Variants in CDH4 observed in about 807,000 individuals in gnomAD.
CDH4 encodes cadherin-4.
Under a neutral mutation model 86.0 loss-of-function variants are expected in CDH4, and 33 were observed. The observed-to-expected ratio is 0.38, with a 90% CI of 0.29 to 0.51. CDH4 has a LOEUF of 0.51. CDH4 is among the 20% of genes least tolerant of loss of function. The pLI, the probability that CDH4 is intolerant of heterozygous loss-of-function variation, is 0.86. For synonymous variants in CDH4, 555 were observed against 549.4 expected (o/e 1.01, Z -0.14); for missense variants, 1,114 against 1,307.4 (o/e 0.85, Z 2.28).
At chr20:61,371,990 TTG>T (rs1200186476) in intron 2 of CDH4, among the ~76,000 whole-genome samples, 1 of 152,246 alleles carries the variant, frequency 6.6e-6, no homozygotes, top group East Asian at 1.9e-4. Context: ...GGCAGGCCGC[TTG>T]TGTTTGTAAA....
rs113041633 is a variant in CDH4, at chr20:61,629,834, G to C, written c.170-113729G>C. On this transcript the variant is annotated intron_variant, in intron 2 of 15. Transcript: ENST00000614565. Reference sequence around the variant, plus strand: ...GCAGCCTGGAGCCTGAGTCCGATGCGGCGCCTTCCTTAGATGGTCTTCAGG... The same window carrying C: ...GCAGCCTGGAGCCTGAGTCCGATGCCGCGCCTTCCTTAGATGGTCTTCAGG... 3.1e-3 allele frequency among the ~76,000 whole-genome samples: 468 copies of C among 152,288 alleles called. 2 individuals are homozygous for C. Among genetic ancestry groups the C allele is most frequent in the African/African-American group, 9.8e-3 (406 of 41,556 alleles).
intron 2 of CDH4, among the ~76,000 whole-genome samples, chr20:61,531,726 G>A (rs1243337015): frequency 6.6e-6 from 1 of 152,164 alleles, no homozygotes. Context: ...CAGCTGGCAG[G>A]GGCCACGGAT....
intron 10 of CDH4, among the ~76,000 whole-genome samples, chr20:61,924,014 C>T (rs941262996): frequency 1.3e-5 from 2 of 152,250 alleles, no homozygotes; most frequent in Non-Finnish European, 2.9e-5. Flanking sequence ...GCCCTCTCTG[C>T]TCCTCAGCGT....
intron 2 of CDH4, among the ~76,000 whole-genome samples, chr20:61,374,169 C>G (rs1892325): frequency 0.25 from 38,373 of 152,134 alleles, 5,339 homozygotes; most frequent in African/African-American, 0.35. Context: ...TAGGTTGGCA[C>G]TAGCTCCCTG....
intron 2 of CDH4, among the ~76,000 whole-genome samples, chr20:61,256,691 G>A (rs983931804): frequency 2.6e-4 from 39 of 152,294 alleles, no homozygotes; most frequent in African/African-American, 8.7e-4. Flanking sequence ...CCAAGTGCCC[G>A]TTGACTTACG....
At chr20:61,642,354 A>G (rs1376440968) in intron 2 of CDH4, among the ~76,000 whole-genome samples, 1 of 152,188 alleles carries the variant, frequency 6.6e-6, no homozygotes, top group African/African-American at 2.4e-5. Flanking sequence ...ATGGGGAACC[A>G]GCAGGTGGGT....
At chr20:61,325,466 ACTG>A (rs1265262783) in intron 2 of CDH4, among the ~76,000 whole-genome samples, 1 of 152,004 alleles carries the variant, frequency 6.6e-6, no homozygotes, top group Non-Finnish European at 1.5e-5. Flanking sequence ...AGAAGTAAAG[ACTG>A]CATTTCTTGA....
intron 5 of CDH4, among the ~76,000 whole-genome samples, chr20:61,850,182 G>A (rs918013974): frequency 6.6e-6 from 1 of 152,206 alleles, no homozygotes; most frequent in African/African-American, 2.4e-5. Flanking sequence ...CCAGCCACAC[G>A]CTGTCATCTT....
intron 9 of CDH4, among the ~76,000 whole-genome samples, chr20:61,912,438 G>A (rs1025528283): frequency 6.6e-6 from 1 of 152,142 alleles, no homozygotes; most frequent in East Asian, 1.9e-4. Flanking sequence ...CAGTTCTCCT[G>A]AAAAATCTTA....
chr20:61,858,790 G>A (rs1343835349), intron 6 of CDH4, among the ~76,000 whole-genome samples: 3 of 152,144 alleles, frequency 2.0e-5, no homozygotes, highest in Non-Finnish European at 4.4e-5. Flanking sequence ...GGTGTACCGC[G>A]GCTTATGAGC....
intron 2 of CDH4, among the ~76,000 whole-genome samples, chr20:61,397,522 G>T (rs1424375712): frequency 6.6e-6 from 1 of 151,780 alleles, no homozygotes; most frequent in African/African-American, 2.4e-5. Context: ...CGTCGAGACC[G>T]AACTTGAAAC....
At chr20:61,747,912 G>A (rs1232855257) in intron 3 of CDH4, among the ~76,000 whole-genome samples, 2 of 150,138 alleles carry the variant, frequency 1.3e-5, no homozygotes, top group Admixed American at 6.7e-5. Flanking sequence ...GATTCAAGAA[G>A]CCCTGTGAAC....
intron 2 of CDH4, among the ~76,000 whole-genome samples, chr20:61,493,256 T>C (rs1468710703): frequency 1.3e-5 from 2 of 152,304 alleles, no homozygotes; most frequent in Middle Eastern, 3.4e-3. Flanking sequence ...CTGTGAAGTA[T>C]GCTATGCCCT....
chr20:61,728,489 C>T (rs571631719), intron 2 of CDH4, among the ~76,000 whole-genome samples: 3 of 152,180 alleles, frequency 2.0e-5, no homozygotes, highest in East Asian at 1.9e-4. Flanking sequence ...ACATGAGGCT[C>T]GTGAGGGTGG....
chr20:61,409,519 G>A, intron 2 of CDH4, among the ~76,000 whole-genome samples: 1 of 152,220 alleles, frequency 6.6e-6, no homozygotes, highest in Non-Finnish European at 1.5e-5. Flanking sequence ...TCACACCCGG[G>A]GCCGCCTGGG....
rs1338830365 is a variant in CDH4 at position 61,367,869 on chromosome 20, T to C, written c.169+112932T>C. ...CTGGAAATGCCTTTCTCCAGGATCT[T>C]TTTTTTTTTTTTTTTTTTTGAGATG... On this transcript the variant is annotated intron_variant, in intron 2 of 15. Coordinates refer to ENST00000614565, the MANE Select transcript of CDH4 (RefSeq NM_001794.5). 4.8e-4 allele frequency among the ~76,000 whole-genome samples: 46 copies of C among 94,904 alleles called. 2 individuals are homozygous for C. The highest frequency in any genetic ancestry group is 1.9e-3 in the East Asian group (4 of 2,154). The allele number at this position is 94,904 out of a possible 152,430, so 62.3% of individuals were successfully genotyped here.
chr20:61,427,256 A>C (rs111538015), intron 2 of CDH4, among the ~76,000 whole-genome samples: 3,056 of 152,074 alleles, frequency 0.02, 105 homozygotes, highest in African/African-American at 0.069. Context: ...CCCTGCTCTG[A>C]CCTTTACTGT....
intron 2 of CDH4, among the ~76,000 whole-genome samples, chr20:61,494,687 T>C (rs2085647361): frequency 6.6e-6 from 1 of 152,278 alleles, no homozygotes; most frequent in Non-Finnish European, 1.5e-5. Context: ...TAAGAATTTC[T>C]CTAAGAGACA....
At chr20:61,523,478 C>T (rs1362494476) in intron 2 of CDH4, among the ~76,000 whole-genome samples, 3 of 152,262 alleles carry the variant, frequency 2.0e-5, no homozygotes, top group African/African-American at 7.2e-5. Context: ...CCGCCACGTG[C>T]TCTTCCAAAA....
Sources: gnomAD v4.1 joint callset for allele counts (sites outside exome capture counted in the v4.1 genomes callset) on GRCh38, gnomAD v4.1.1 for gene constraint, MANE v1.5 for transcripts, NCBI Gene and HGNC (gene_info 2026-07-23, HGNC 2026-07-21) for gene names.